The following LRP1B variants were observed in gnomAD, a reference collection of about 807,000 sequenced individuals.
LRP1B encodes LDL receptor related protein 1B, also known as low-density lipoprotein receptor-related protein 1B.
LRP1B carries 217 observed loss-of-function variants against 556.6 expected under a neutral mutation model. That is an observed-to-expected ratio of 0.39 (90% CI 0.35 to 0.44). The LOEUF is 0.44. LRP1B is among the 20% of genes least tolerant of loss of function. LRP1B has a pLI of 1.00. For synonymous variants in LRP1B, 2,047 were observed against 1,865.8 expected (o/e 1.10, Z -2.50); for missense variants, 5,053 against 5,620.8 (o/e 0.90, Z 3.23).
At chr2:140,355,760 T>C (rs773294320) in intron 75 of LRP1B, among the ~76,000 whole-genome samples, 1 of 152,010 alleles carries the variant, frequency 6.6e-6, no homozygotes, top group East Asian at 1.9e-4. Context: ...CATGGTTCTA[T>C]AGTTAGAACA....
chr2:140,710,272 G>A (rs1686986042), intron 37 of LRP1B, among the ~76,000 whole-genome samples: 1 of 152,114 alleles, frequency 6.6e-6, no homozygotes, highest in East Asian at 1.9e-4. Context: ...GAGACTTGTT[G>A]ACAGATGGAA....
chr2:141,577,689 A>G (rs1480359656), intron 2 of LRP1B, among the ~76,000 whole-genome samples: 1 of 152,164 alleles, frequency 6.6e-6, no homozygotes, highest in East Asian at 1.9e-4. Context: ...ATAGTGTATT[A>G]CCTCTCGCAG....
chr2:141,278,201 T>G (rs756919719), intron 3 of LRP1B, among the ~76,000 whole-genome samples: 1 of 152,140 alleles, frequency 6.6e-6, no homozygotes, highest in African/African-American at 2.4e-5. Flanking sequence ...TATTAATGCT[T>G]CAGGAGAAAT....
chr2:140,348,534 C>G (rs557129459), intron 77 of LRP1B, among the ~76,000 whole-genome samples: 1 of 151,772 alleles, frequency 6.6e-6, no homozygotes, highest in Non-Finnish European at 1.5e-5. Context: ...TTCTTCTTTG[C>G]GAATGCTAAT....
chr2:141,644,729 TCACACACA>T lies in LRP1B; in HGVS notation c.206-164204_206-164197del, dbSNP rs3039268. Among the ~76,000 whole-genome samples, 11 of 141,614 alleles carry T rather than the reference TCACACACA, an allele frequency of 7.8e-5. No homozygotes were observed. In the East Asian group the frequency reaches 8.5e-4, roughly 11 times the overall value. The allele number at this position is 141,614 out of a possible 152,430, so 92.9% of individuals were successfully genotyped here. ...CAGTTGTCTGATAAGCAGTCATTGA[TCACACACA>T]CACACACACACACACACACACACAC... On this transcript the variant is annotated intron_variant, in intron 2 of 90. Coordinates refer to ENST00000389484, the MANE Select transcript of LRP1B (RefSeq NM_018557.3).
rs534519257 is a variant in LRP1B at position 140,831,090 on chromosome 2, A to T, written c.5209+8901T>A. Among the ~76,000 whole-genome samples, 24 of 152,304 alleles carry T rather than the reference A, an allele frequency of 1.6e-4. 1 individual carries two copies. The highest frequency in any genetic ancestry group is 6.8e-3 in the Middle Eastern group (2 of 294). On this transcript the variant is annotated intron_variant, in intron 31 of 90. Coordinates refer to ENST00000389484, the MANE Select transcript of LRP1B (RefSeq NM_018557.3). ...AAATAAGCAAAGATATTCCATGCTC[A>T]TGGAGTAGAACAATTAGAATTGGTA...
chr2:141,069,603 T>A (rs1192497364), intron 7 of LRP1B, among the ~76,000 whole-genome samples: 1 of 152,052 alleles, frequency 6.6e-6, no homozygotes, highest in African/African-American at 2.4e-5. Flanking sequence ...AACCACTTGG[T>A]TTATGCCCAC....
chr2:141,641,689 C>A (rs1330141644), intron 2 of LRP1B, among the ~76,000 whole-genome samples: 2 of 152,168 alleles, frequency 1.3e-5, no homozygotes, highest in East Asian at 3.9e-4. Flanking sequence ...CATGCTACAG[C>A]CTCTAATATT....
In LRP1B at chr2:140,370,759, A is replaced by G. The variant is rs764588020; in HGVS notation, c.10959T>C (p.Asp3653=). The change falls in exon 71 of 91, where the codon GAT becomes GAC. Residue 3653 remains aspartate (D), a synonymous_variant. Transcript: ENST00000389484. ...AHCIPIRWLC[D]GIHDCVDGSD... ...TGCCATCCACACAGTCATGAATTCCATCACACAGCCATCTAATTGGAATAC... is the reference window on the plus strand; with the variant it reads ...TGCCATCCACACAGTCATGAATTCCGTCACACAGCCATCTAATTGGAATAC... 3.7e-6 allele frequency: 6 copies of G among 1,612,982 alleles called. No individual in the cohort carries two copies. In the Admixed American group the frequency reaches 1.0e-4, roughly 27 times the overall value.
At chr2:140,291,535 C>T (rs1481865273) in intron 84 of LRP1B, among the ~76,000 whole-genome samples, 1 of 151,450 alleles carries the variant, frequency 6.6e-6, no homozygotes, top group African/African-American at 2.4e-5. Context: ...TGTTCAGTTC[C>T]CACCCATGAC....
intron 3 of LRP1B, among the ~76,000 whole-genome samples, chr2:141,319,307 G>GTTTTTTT (rs1370500448): frequency 1.9e-4 from 17 of 88,786 alleles, no homozygotes; most frequent in African/African-American, 5.7e-4. Context: ...GTGTTTTTTT[G>GTTTTTTT]TTGTTTTTTT....
At chr2:141,549,719 A>G (rs547385575) in intron 2 of LRP1B, among the ~76,000 whole-genome samples, 4 of 152,334 alleles carry the variant, frequency 2.6e-5, no homozygotes, top group East Asian at 1.9e-4. Context: ...ATTCAGGGCC[A>G]GGAGCGGTGG....
At chr2:141,631,968 G>T (rs1688929633) in intron 2 of LRP1B, among the ~76,000 whole-genome samples, 1 of 151,954 alleles carries the variant, frequency 6.6e-6, no homozygotes, top group Admixed American at 6.6e-5. Context: ...CTGGAAAGCA[G>T]GGGCACAATC....
chr2:141,418,216 G>C (rs919539682), intron 3 of LRP1B, among the ~76,000 whole-genome samples: 3 of 151,954 alleles, frequency 2.0e-5, no homozygotes, highest in Non-Finnish European at 4.4e-5. Context: ...TTGTTTCCTT[G>C]GTTGAAAAGC....
rs779258322 is a variant in LRP1B at position 141,200,299 on chromosome 2, G to A, written c.851-11716C>T. ...TATCCTTTGCAGTAACATGAATGGA[G>A]CTGGAGTTCTCAGTCACAAGTGGGA... On this transcript the variant is annotated intron_variant, in intron 6 of 90. Transcript: ENST00000389484. Among the ~76,000 whole-genome samples, 18 of 152,102 alleles carry A rather than the reference G, an allele frequency of 1.2e-4. 1 individual carries two copies. Among genetic ancestry groups the A allele is most frequent in the Non-Finnish European group, 1.8e-4 (12 of 68,020 alleles).
intron 1 of LRP1B, among the ~76,000 whole-genome samples, chr2:141,998,196 A>G (rs1404254982): frequency 6.6e-6 from 1 of 152,152 alleles, no homozygotes; most frequent in East Asian, 1.9e-4. Context: ...ATTTAAAACT[A>G]TCTGAATTAT....
intron 6 of LRP1B, among the ~76,000 whole-genome samples, chr2:141,193,145 T>A (rs1574176584): frequency 6.6e-6 from 1 of 152,008 alleles, no homozygotes; most frequent in African/African-American, 2.4e-5. Context: ...GATCGTAAAT[T>A]AGTTCAACCA....
At chr2:141,013,435 AG>A in intron 14 of LRP1B, 120 bp downstream of exon 14, 1 of 752,114 alleles carries the variant, frequency 1.3e-6, no homozygotes, top group Admixed American at 3.6e-5. Flanking sequence ...TTGACTTTGG[AG>A]GGAATTTGAC....
At chr2:140,577,333 A>C (rs1463471164) in intron 43 of LRP1B, among the ~76,000 whole-genome samples, 1 of 151,928 alleles carries the variant, frequency 6.6e-6, no homozygotes, top group Non-Finnish European at 1.5e-5. Flanking sequence ...AGATACAAAA[A>C]TTAGCTGGGC....
Sources: allele counts gnomAD v4.1 joint callset (sites outside exome capture counted in the v4.1 genomes callset), GRCh38; gene constraint gnomAD v4.1.1; transcripts MANE v1.5; gene names NCBI Gene and HGNC (gene_info 2026-07-23, HGNC 2026-07-21).